KIAA0319: variants seen among roughly 807,000 people sequenced by gnomAD.
KIAA0319 encodes the protein dyslexia-associated protein KIAA0319.
Under a neutral mutation model 108.4 loss-of-function variants are expected in KIAA0319, and 83 were observed. The ratio of observed to expected loss-of-function variants is 0.77; its 90% CI spans 0.64 to 0.92. The LOEUF (loss-of-function observed/expected upper bound fraction) is 0.92. KIAA0319 is among the 40% of genes least tolerant of loss of function. The pLI, the probability that KIAA0319 is intolerant of heterozygous loss-of-function variation, is 0.00. For synonymous variants in KIAA0319, 484 were observed against 510.4 expected (o/e 0.95, Z 0.70); for missense variants, 1,195 against 1,322.4 (o/e 0.90, Z 1.49).
intron 1 of KIAA0319, among the ~76,000 whole-genome samples, chr6:24,630,048 G>A (rs374035481): frequency 1.1e-4 from 16 of 152,014 alleles, no homozygotes; most frequent in African/African-American, 3.4e-4. Flanking sequence ...GCATGGTGGC[G>A]CATGCCTGTG....
intron 8 of KIAA0319, 98 bp downstream of exon 8, chr6:24,579,760 C>G: frequency 1.2e-6 from 1 of 850,992 alleles, no homozygotes; most frequent in Non-Finnish European, 1.8e-6. Flanking sequence ...ATCAAAGTAA[C>G]AGCCCATAAG....
chr6:24,545,608 C>T lies in KIAA0319; in HGVS notation c.*1557G>A, dbSNP rs1760531788. The stretch of plus-strand genomic sequence containing the variant: ...GTTATACAGAAAGTGTAGGCATAAG[C>T]AAAGCAATTATTTTAAAAATAAAAT... On this transcript the variant is annotated 3_prime_UTR_variant, in exon 21 of 21. Transcript: ENST00000378214. 6.6e-6 allele frequency: 1 copy of T among 152,070 alleles called. No homozygotes were observed. The highest frequency in any genetic ancestry group is 2.4e-5 in the African/African-American group (1 of 41,396). The allele number at this position is 152,070 out of a possible 1,614,324, so 9.4% of individuals were successfully genotyped here.
rs373481418 is a variant in KIAA0319 at position 24,608,747 on chromosome 6, G to A, written c.-105-7539C>T. On this transcript the variant is annotated intron_variant, in intron 1 of 20. Coordinates refer to ENST00000378214, the MANE Select transcript of KIAA0319 (RefSeq NM_014809.4). The stretch of plus-strand genomic sequence containing the variant: ...AGATCGAGACCATCCTGGCTAACAC[G>A]GTGAAACCCCGTCTCTACTAAAAAT... Among the ~76,000 whole-genome samples the A allele has an allele frequency of 9.4e-4, 142 of 151,708 alleles. 2 individuals are homozygous for A. The East Asian group carries it at 0.019, about 20-fold the overall frequency.
At chr6:24,639,501 A>G (rs985356684) in intron 1 of KIAA0319, among the ~76,000 whole-genome samples, 9 of 152,354 alleles carry the variant, frequency 5.9e-5, no homozygotes, top group African/African-American at 2.2e-4. Flanking sequence ...TTCTTACTAA[A>G]AGAGTTACTA....
At position 24,612,374 on chromosome 6, in the gene KIAA0319, C is replaced by G. The variant is rs547825466; in HGVS notation, c.-105-11166G>C. ...GCTGAGGTAAGAGACTCACTTGAGC[C>G]TGGGAGGTCAAGGCTGCAGTGTGCC... is the stretch of plus-strand genomic sequence containing the variant. On this transcript the variant is annotated intron_variant, in intron 1 of 20. Coordinates refer to ENST00000378214, the MANE Select transcript of KIAA0319 (RefSeq NM_014809.4). Among the ~76,000 whole-genome samples, 4 of 151,290 alleles carry G rather than the reference C, an allele frequency of 2.6e-5. No individual in the cohort carries two copies. In the South Asian group the frequency reaches 8.4e-4, roughly 32 times the overall value.
chr6:24,556,052 T>A (rs1046749642), intron 18 of KIAA0319, among the ~76,000 whole-genome samples: 9 of 152,180 alleles, frequency 5.9e-5, no homozygotes, highest in Non-Finnish European at 8.8e-5. Context: ...TACTACCAAG[T>A]GAGCTGGTTC....
In KIAA0319 at chr6:24,563,376, C is replaced by A; in HGVS notation, c.2574G>T (p.Arg858=). 1 of 1,613,250 alleles carries A rather than the reference C, an allele frequency of 6.2e-7. No individual in the cohort carries two copies. The highest frequency in any genetic ancestry group is 2.2e-5 in the East Asian group (1 of 44,858). The part of the protein sequence containing the change: ...LDSDIKVQKI[R]AHSDLSTVIV... ...GCTCCTACCTGAGATCCGAGTGGGC[C>A]CGAATCTTCTGGACCTTAATGTCCG... Residue 858 remains arginine, a synonymous_variant, in exon 16 of 21, where the codon CGG becomes CGT. Transcript: ENST00000378214.
intron 1 of KIAA0319, among the ~76,000 whole-genome samples, chr6:24,643,466 T>G (rs1777224392): frequency 6.6e-6 from 1 of 152,128 alleles, no homozygotes; most frequent in South Asian, 2.1e-4. Flanking sequence ...AACCTACCAA[T>G]TATTCTAGGC....
intron 5 of KIAA0319, among the ~76,000 whole-genome samples, 194 bp downstream of exon 5, chr6:24,583,410 T>C (rs181880388): frequency 2.0e-5 from 3 of 152,346 alleles, no homozygotes; most frequent in East Asian, 1.9e-4. Context: ...TTTAATTTCC[T>C]AGATTCTTAC....
At position 24,578,119 on chromosome 6, in the gene KIAA0319, T is replaced by C. The variant is rs765944893; in HGVS notation, c.1496A>G (p.Tyr499Cys). The change falls in exon 9 of 21, where the codon TAT (tyrosine) becomes TGT (cysteine). Residue 499 changes from tyrosine (Y) to cysteine (C), a missense_variant. Physicochemically the swap from Tyr to Cys is radical, Grantham distance 194. Transcript: ENST00000378214. ...GCAGGGACCCACTTGCCTGAAACTA[T>C]AGTTACCAGGATCAAGGTTAGACAA... ...LRLSNLDPGN[Y>C]SFRLTVTDSD... 13 of 1,610,046 alleles carry C rather than the reference T, an allele frequency of 8.1e-6. No homozygotes were observed. In the East Asian group the frequency reaches 1.6e-4, roughly 19 times the overall value.
Position 24,579,954 on chromosome 6 carries a change from T to A in KIAA0319, c.1280-4A>T. On this transcript the variant is annotated splice_polypyrimidine_tract_variant and splice_region_variant and intron_variant, in intron 7 of 20. Coordinates refer to ENST00000378214, the MANE Select transcript of KIAA0319 (RefSeq NM_014809.4). Reference sequence around the variant, plus strand: ...GGTGGCAGGTTGACTCTTCTGGCTGTAACAAAAAAAAGGACAGTGACTGAG... The same window carrying A: ...GGTGGCAGGTTGACTCTTCTGGCTGAAACAAAAAAAAGGACAGTGACTGAG... 1 of 1,574,420 alleles carries A rather than the reference T, an allele frequency of 6.4e-7. No individual in the cohort carries two copies. Among genetic ancestry groups the A allele is most frequent in the Admixed American group, 1.9e-5 (1 of 53,778 alleles).
rs536462331 is a variant in KIAA0319 at position 24,622,786 on chromosome 6, G to C, written c.-105-21578C>G. Among the ~76,000 whole-genome samples, 66 of 152,280 alleles carry C rather than the reference G, an allele frequency of 4.3e-4. 1 individual carries two copies. The South Asian group carries it at 0.011, about 25-fold the overall frequency. On this transcript the variant is annotated intron_variant, in intron 1 of 20. Coordinates refer to ENST00000378214, the MANE Select transcript of KIAA0319 (RefSeq NM_014809.4). Reference sequence around the variant, plus strand: ...TGGCTGGGCACGGTGGTTCACACCTGTAATTTTAGCACTCTGGGAGGCCGA... The same window carrying C: ...TGGCTGGGCACGGTGGTTCACACCTCTAATTTTAGCACTCTGGGAGGCCGA...
intron 16 of KIAA0319, among the ~76,000 whole-genome samples, chr6:24,563,020 G>C (rs1167632993): frequency 6.6e-6 from 1 of 152,116 alleles, no homozygotes; most frequent in African/African-American, 2.4e-5. Flanking sequence ...CGTGGGGCAG[G>C]GATGCAGCCC....
In KIAA0319 at chr6:24,569,933, C is replaced by T. The variant is rs1257943326; in HGVS notation, c.1961G>A (p.Gly654Asp). ...GTGCTCCCAGTGGTAGAAGACAATG[C>T]CGTGGTCATCGCTGCTGCTGCTCCC... Reference protein sequence around the residue: ...LDGSSSSDDHGIVFYHWEHVR... With the variant: ...LDGSSSSDDHDIVFYHWEHVR... Residue 654 changes from glycine (G) to aspartate (D), a missense_variant, in exon 12 of 21, where the codon GGC (glycine) becomes GAC (aspartate). Transcript: ENST00000378214. 1 of 1,614,104 alleles carries T rather than the reference C, an allele frequency of 6.2e-7. No homozygotes were observed. Among genetic ancestry groups the T allele is most frequent in the Non-Finnish European group, 8.5e-7 (1 of 1,179,980 alleles).
At chr6:24,612,940 A>G (rs1259957640) in intron 1 of KIAA0319, among the ~76,000 whole-genome samples, 1 of 152,148 alleles carries the variant, frequency 6.6e-6, no homozygotes, top group Non-Finnish European at 1.5e-5. Flanking sequence ...CTGGGACTAC[A>G]GGCGCCCGCC....
At position 24,617,507 on chromosome 6, in the gene KIAA0319, A is replaced by T. The variant is rs534458874; in HGVS notation, c.-105-16299T>A. On this transcript the variant is annotated intron_variant, in intron 1 of 20. Coordinates refer to ENST00000378214, the MANE Select transcript of KIAA0319 (RefSeq NM_014809.4). ...AAGGATATCCCCAAAGGCCCAAAAC[A>T]AAGAGGGAGCTAGAAAGCAGAGCGG... Among the ~76,000 whole-genome samples, 3 of 152,292 alleles carry T rather than the reference A, an allele frequency of 2.0e-5. No individual in the cohort carries two copies. In the South Asian group the frequency reaches 6.2e-4, roughly 32 times the overall value.
chr6:24,573,270 G>T (rs1764987025), intron 10 of KIAA0319, among the ~76,000 whole-genome samples: 1 of 152,018 alleles, frequency 6.6e-6, no homozygotes, highest in African/African-American at 2.4e-5. Context: ...CCAGTAATTC[G>T]ACTTCTTAGT....
rs1423854542 is a variant in KIAA0319, at chr6:24,546,871, C to T, written c.*294G>A. 15 of 271,634 alleles carry T rather than the reference C, an allele frequency of 5.5e-5. No individual in the cohort carries two copies. The highest frequency in any genetic ancestry group is 1.9e-4 in the African/African-American group (9 of 46,490). 16.8% of individuals were successfully genotyped at this position (271,634 alleles called of 1,614,324 possible). A position where few individuals can be genotyped will look rare whatever the true frequency, so the allele number is the denominator to read the frequency against. On this transcript the variant is annotated 3_prime_UTR_variant, in exon 21 of 21. Coordinates refer to ENST00000378214, the MANE Select transcript of KIAA0319 (RefSeq NM_014809.4). ...TCTCTAAGGTTCTACAGATAGAAAT[C>T]GTTGTTCATCTTTAATATGAGATTG...
chr6:24,601,141 C>A lies in KIAA0319; in HGVS notation c.-38G>T. On this transcript the variant is annotated 5_prime_UTR_variant, in exon 2 of 21. Transcript: ENST00000378214. Reference sequence around the variant, plus strand: ...AGTGGGTGATGGCAGGCTTCTGAGGCGGCCCTGAAGAGAGTTTGGTGCAAG... The same window carrying A: ...AGTGGGTGATGGCAGGCTTCTGAGGAGGCCCTGAAGAGAGTTTGGTGCAAG... 2 of 1,611,482 alleles carry A rather than the reference C, an allele frequency of 1.2e-6. No individual in the cohort carries two copies. Among genetic ancestry groups the A allele is most frequent in the Non-Finnish European group, 1.7e-6 (2 of 1,178,670 alleles).
Sources: allele counts gnomAD v4.1 joint callset (sites outside exome capture counted in the v4.1 genomes callset), GRCh38; gene constraint gnomAD v4.1.1; transcripts MANE v1.5; gene names NCBI Gene and HGNC (gene_info 2026-07-23, HGNC 2026-07-21).